ZFAT: variants seen among roughly 807,000 people sequenced by gnomAD.
The protein encoded by ZFAT is zinc finger and AT-hook domain containing.
Under a neutral mutation model 117.7 loss-of-function variants are expected in ZFAT, and 64 were observed. The ratio of observed to expected loss-of-function variants is 0.54; its 90% confidence interval spans 0.44 to 0.67. ZFAT has a LOEUF of 0.67. Among genes scored for constraint, ZFAT ranks in the 30% least tolerant of loss-of-function variants. ZFAT has a pLI of 0.00. For missense variants in ZFAT, 1,433 were observed against 1,584.5 expected (o/e 0.90, Z 1.62); for synonymous variants, 679 against 615.0 (o/e 1.10, Z -1.54).
At chr8:134,817,501 T>C in the ZFAT span, among the ~76,000 whole-genome samples, 1 of 151,102 alleles carries the variant, frequency 6.6e-6, no homozygotes, top group Non-Finnish European at 1.5e-5. Flanking sequence ...GAGACCAAAA[T>C]ATAAAAGACT....
intron 3 of ZFAT, among the ~76,000 whole-genome samples, chr8:134,621,885 C>A (rs1586833949): frequency 6.6e-6 from 1 of 152,152 alleles, no homozygotes; most frequent in Admixed American, 6.5e-5. Flanking sequence ...GTTTTGAGAA[C>A]GCATGATGAA....
At chr8:134,582,039 T>C (rs1825748550) in intron 10 of ZFAT, among the ~76,000 whole-genome samples, 1 of 152,252 alleles carries the variant, frequency 6.6e-6, no homozygotes, top group African/African-American at 2.4e-5. Flanking sequence ...TTCATAATGT[T>C]TGAATACCAT....
the ZFAT span, among the ~76,000 whole-genome samples, chr8:134,790,744 G>A: frequency 3.3e-5 from 5 of 152,086 alleles, no homozygotes; most frequent in African/African-American, 1.2e-4. Flanking sequence ...GCCAGGCATG[G>A]TGGCTCATGA....
At chr8:134,782,277 CT>C in the ZFAT span, among the ~76,000 whole-genome samples, 1 of 152,192 alleles carries the variant, frequency 6.6e-6, no homozygotes, top group Non-Finnish European at 1.5e-5. Flanking sequence ...ATTAAGAGAA[CT>C]TGATGTCTCT....
intron 15 of ZFAT, among the ~76,000 whole-genome samples, chr8:134,488,691 G>C (rs1817825646): frequency 6.6e-6 from 1 of 152,070 alleles, no homozygotes. Context: ...CCACCAACAG[G>C]CTGCAGTTCA....
chr8:134,668,452 C>T (rs186805507), intron 1 of ZFAT, among the ~76,000 whole-genome samples: 36 of 152,304 alleles, frequency 2.4e-4, no homozygotes, highest in East Asian at 9.6e-4. Flanking sequence ...CACCAATATC[C>T]GCTGTTCTGC....
chr8:134,823,165 A>G, the ZFAT span, among the ~76,000 whole-genome samples: 1 of 152,178 alleles, frequency 6.6e-6, no homozygotes, highest in Non-Finnish European at 1.5e-5. Context: ...TCCCATGTCA[A>G]TCCATCCAAC....
intron 12 of ZFAT, among the ~76,000 whole-genome samples, chr8:134,525,677 G>A (rs1196863825): frequency 6.6e-6 from 1 of 152,190 alleles, no homozygotes; most frequent in Admixed American, 6.5e-5. Context: ...CTAGTACAGA[G>A]GCCAACCTGC....
chr8:134,590,778 A>C (rs1186447663), intron 7 of ZFAT, among the ~76,000 whole-genome samples: 1 of 146,374 alleles, frequency 6.8e-6, no homozygotes, highest in African/African-American at 2.5e-5. Context: ...CACCACCACA[A>C]CCAGCACTGC....
At chr8:134,625,838 A>G (rs1050627125) in intron 3 of ZFAT, among the ~76,000 whole-genome samples, 2 of 152,178 alleles carry the variant, frequency 1.3e-5, no homozygotes, top group African/African-American at 4.8e-5. Flanking sequence ...GGTCTCAGGC[A>G]TGGTCACCGT....
intron 1 of ZFAT, among the ~76,000 whole-genome samples, chr8:134,705,352 C>T (rs1395086508): frequency 1.3e-5 from 2 of 149,962 alleles, no homozygotes; most frequent in African/African-American, 2.5e-5. Flanking sequence ...AGGCATCCAC[C>T]ACCATGCCCA....
At chr8:134,496,910 C>T (rs922969790) in intron 15 of ZFAT, among the ~76,000 whole-genome samples, 1 of 152,218 alleles carries the variant, frequency 6.6e-6, no homozygotes, top group Admixed American at 6.5e-5. Context: ...ACCTGACAAT[C>T]CAACAGCTGA....
At chr8:134,608,260 T>C (rs1458305192) in intron 5 of ZFAT, among the ~76,000 whole-genome samples, 1 of 152,216 alleles carries the variant, frequency 6.6e-6, no homozygotes, top group African/African-American at 2.4e-5. Flanking sequence ...TGAACTAAAC[T>C]ACCTCCAGAA....
chr8:134,507,412 C>A (rs184185165), intron 15 of ZFAT, among the ~76,000 whole-genome samples: 1 of 152,082 alleles, frequency 6.6e-6, no homozygotes, highest in Non-Finnish European at 1.5e-5. Context: ...CCACCGTGAG[C>A]GAGGTGCGGG....
At chr8:134,658,073 C>T (rs978212907) in intron 1 of ZFAT, among the ~76,000 whole-genome samples, 6 of 152,230 alleles carry the variant, frequency 3.9e-5, no homozygotes, top group African/African-American at 1.2e-4. Flanking sequence ...CGCGGTGGCG[C>T]ACGCCTGTAA....
At chr8:134,657,825 C>G in intron 1 of ZFAT, 88 bp from the exon 2 acceptor site, 1 of 1,391,376 alleles carries the variant, frequency 7.2e-7, no homozygotes, top group Non-Finnish European at 9.8e-7. Flanking sequence ...CCGAAAGCTG[C>G]CCTTCTGAGC....
At chr8:134,610,397 T>G (rs2277138) in intron 4 of ZFAT, 73 bp downstream of exon 4, 1 of 1,481,626 alleles carries the variant, frequency 6.7e-7, no homozygotes, top group South Asian at 1.4e-5. Context: ...TGACTCAGAC[T>G]GTGACATCAG....
the ZFAT span, among the ~76,000 whole-genome samples, chr8:134,782,226 C>T: frequency 6.6e-6 from 1 of 152,224 alleles, no homozygotes; most frequent in Non-Finnish European, 1.5e-5. Context: ...TCTTGTTACT[C>T]ATGTAATCTC....
chr8:134,534,853 A>C (rs919078019), intron 11 of ZFAT, among the ~76,000 whole-genome samples: 10 of 151,902 alleles, frequency 6.6e-5, no homozygotes, highest in Non-Finnish European at 2.9e-5. Context: ...CCCCTGCCTA[A>C]GTCACACTCC....
Sources: gnomAD v4.1 joint callset for allele counts (sites outside exome capture counted in the v4.1 genomes callset) on GRCh38, gnomAD v4.1.1 for gene constraint, MANE v1.5 for transcripts, NCBI Gene and HGNC (gene_info 2026-07-23, HGNC 2026-07-21) for gene names.